GRM5: variants seen among roughly 807,000 people sequenced by gnomAD.
GRM5 encodes metabotropic glutamate receptor 5.
In GRM5, 19 loss-of-function variants were observed where a neutral mutation model predicts 83.1. The observed-to-expected ratio is 0.23, with a 90% CI of 0.16 to 0.34. GRM5 has a LOEUF of 0.34. Among genes scored for constraint, GRM5 ranks in the 10% least tolerant of loss-of-function variants. The pLI is 1.00. For missense variants in GRM5, 1,160 were observed against 1,588.3 expected, an observed-to-expected ratio of 0.73 and a Z score of 4.58; for synonymous variants, 675 against 633.6, an observed-to-expected ratio of 1.07 and a Z score of -0.98.
At chr11:88,902,474 A>C (rs1002342475) in intron 2 of GRM5, among the ~76,000 whole-genome samples, 1 of 152,148 alleles carries the variant, frequency 6.6e-6, no homozygotes, top group African/African-American at 2.4e-5. Flanking sequence ...TTAGGTACTC[A>C]AATGTTAAAT....
intron 3 of GRM5, among the ~76,000 whole-genome samples, chr11:88,726,571 C>A (rs919076535): frequency 6.6e-6 from 1 of 152,050 alleles, no homozygotes; most frequent in African/African-American, 2.4e-5. Context: ...GAAGAGCAAT[C>A]CCAAGACACA....
At chr11:88,934,140 T>A (rs773071142) in intron 2 of GRM5, among the ~76,000 whole-genome samples, 19 of 151,854 alleles carry the variant, frequency 1.3e-4, no homozygotes, top group Middle Eastern at 6.3e-3. Flanking sequence ...ACTATTTTGA[T>A]AAGTCACAAT....
chr11:88,941,739 A>G (rs1054074601), intron 2 of GRM5, among the ~76,000 whole-genome samples: 2 of 152,096 alleles, frequency 1.3e-5, no homozygotes, highest in Non-Finnish European at 2.9e-5. Flanking sequence ...TTCCTTTACA[A>G]TGGAGATATT....
chr11:89,058,860 G>C (rs1408577625), intron 1 of GRM5, among the ~76,000 whole-genome samples: 3 of 152,048 alleles, frequency 2.0e-5, no homozygotes, highest in Non-Finnish European at 4.4e-5. Context: ...ATTTTAACAA[G>C]ACTGCAACAA....
At chr11:88,775,475 C>T (rs899022541) in intron 3 of GRM5, among the ~76,000 whole-genome samples, 3 of 152,134 alleles carry the variant, frequency 2.0e-5, no homozygotes, top group Non-Finnish European at 2.9e-5. Flanking sequence ...TTCTTGCCTT[C>T]TGCTAGCTTT....
At chr11:88,925,403 G>A (rs1945772123) in intron 2 of GRM5, among the ~76,000 whole-genome samples, 1 of 151,790 alleles carries the variant, frequency 6.6e-6, no homozygotes, top group South Asian at 2.1e-4. Context: ...TTTGTACTAT[G>A]CTTGGCCCCA....
At chr11:88,686,341 C>T (rs572532072) in intron 3 of GRM5, among the ~76,000 whole-genome samples, 1 of 152,260 alleles carries the variant, frequency 6.6e-6, no homozygotes. Context: ...TACATGTACC[C>T]AAATTGGAAC....
At chr11:88,693,595 A>G (rs116254734) in intron 3 of GRM5, among the ~76,000 whole-genome samples, 2 of 152,308 alleles carry the variant, frequency 1.3e-5, no homozygotes, top group African/African-American at 4.8e-5. Context: ...AGGCAGACTT[A>G]CCCACCGATC....
At chr11:88,803,520 T>G (rs1943440466) in intron 3 of GRM5, among the ~76,000 whole-genome samples, 1 of 152,138 alleles carries the variant, frequency 6.6e-6, no homozygotes, top group African/African-American at 2.4e-5. Context: ...CCTTACACCT[T>G]ATACAAAAAT....
rs202237289 is a variant in GRM5 at position 88,508,344 on chromosome 11, A to G, written c.*248T>C. On this transcript the variant is annotated 3_prime_UTR_variant, in exon 10 of 10. Transcript: ENST00000305447. The surrounding 1 kb of genome is among the most constrained non-coding windows in gnomAD (Gnocchi z 4.2). ...AGAGACGCCTTGTCAGCCCTCAAAG[A>G]TATCAGCCGTGTTTCTTAAAAGCCC... 4.4e-4 allele frequency: 182 copies of G among 411,344 alleles called. No homozygotes were observed. Among genetic ancestry groups the G allele is most frequent in the African/African-American group, 3.5e-3 (165 of 47,510 alleles). 25.5% of individuals were successfully genotyped at this position (411,344 alleles called of 1,614,324 possible). A position where few individuals can be genotyped will look rare whatever the true frequency, so the allele number is the denominator to read the frequency against.
At chr11:88,653,648 A>T (rs1204167013) in intron 3 of GRM5, among the ~76,000 whole-genome samples, 2 of 152,028 alleles carry the variant, frequency 1.3e-5, no homozygotes, top group Non-Finnish European at 2.9e-5. Flanking sequence ...AACTGCAGAA[A>T]ATAACCTGGA....
intron 1 of GRM5, among the ~76,000 whole-genome samples, chr11:89,060,740 C>T (rs1177202633): frequency 6.6e-6 from 1 of 151,972 alleles, no homozygotes; most frequent in African/African-American, 2.4e-5. Context: ...AAACCTATGC[C>T]TTAATGTTTT....
chr11:88,895,003 T>A (rs181723606), intron 2 of GRM5, among the ~76,000 whole-genome samples: 1 of 151,944 alleles, frequency 6.6e-6, no homozygotes, highest in African/African-American at 2.4e-5. Context: ...GCTATTTTTG[T>A]TATAGTAGCC....
chr11:89,053,824 G>C (rs1328895713), intron 1 of GRM5, among the ~76,000 whole-genome samples: 1 of 152,200 alleles, frequency 6.6e-6, no homozygotes, highest in African/African-American at 2.4e-5. Context: ...AATGAGTCAT[G>C]CAGATCTCTA....
intron 3 of GRM5, among the ~76,000 whole-genome samples, chr11:88,801,206 AG>A (rs1290862973): frequency 2.6e-5 from 4 of 152,134 alleles, no homozygotes; most frequent in Non-Finnish European, 5.9e-5. Flanking sequence ...AATTGCTGGT[AG>A]GGAATAAGAA....
At chr11:88,847,945 G>A (rs1944326444) in intron 3 of GRM5, among the ~76,000 whole-genome samples, 1 of 152,152 alleles carries the variant, frequency 6.6e-6, no homozygotes, top group African/African-American at 2.4e-5. Flanking sequence ...TGGGATCAAA[G>A]AACATTTGCT....
intron 3 of GRM5, among the ~76,000 whole-genome samples, chr11:88,829,484 C>A (rs1184278757): frequency 6.6e-6 from 1 of 150,884 alleles, no homozygotes; most frequent in Non-Finnish European, 1.5e-5. Flanking sequence ...CAAACATCCA[C>A]CTACTATGCT....
chr11:88,997,937 TTC>T, intron 2 of GRM5, among the ~76,000 whole-genome samples: 1 of 152,222 alleles, frequency 6.6e-6, no homozygotes, highest in Non-Finnish European at 1.5e-5. Context: ...TAGGGAGTAC[TTC>T]TCAATATGCT....
At chr11:88,569,377 A>G (rs1013874554) in intron 7 of GRM5, among the ~76,000 whole-genome samples, 3 of 152,238 alleles carry the variant, frequency 2.0e-5, no homozygotes, top group African/African-American at 7.2e-5. Flanking sequence ...GACTAATTGC[A>G]TGTCAATATC....
Sources: allele counts gnomAD v4.1 joint callset (sites outside exome capture counted in the v4.1 genomes callset), GRCh38; gene constraint gnomAD v4.1.1; non-coding constraint Gnocchi (gnomAD v3.1); transcripts MANE v1.5; gene names NCBI Gene and HGNC (gene_info 2026-07-23, HGNC 2026-07-21).